Variants in HEXB observed in about 807,000 individuals in gnomAD.
HEXB encodes beta-hexosaminidase subunit beta.
A neutral mutation model predicts 71.2 loss-of-function variants in HEXB; 51 were observed. The ratio of observed to expected loss-of-function variants is 0.72; its 90% confidence interval spans 0.57 to 0.90. The LOEUF (loss-of-function observed/expected upper bound fraction) is 0.90, where lower values mean the gene tolerates loss of function less well. Ranked by LOEUF, HEXB falls within the 40% of genes least tolerant of loss-of-function variation. The pLI is 0.00. For synonymous variants in HEXB, 266 were observed against 249.3 expected (o/e 1.07, Z -0.63); for missense variants, 617 against 677.0 (o/e 0.91, Z 0.98).
intron 1 of HEXB, among the ~76,000 whole-genome samples, chr5:74,655,090 G>A (rs1748193136): frequency 6.7e-6 from 1 of 149,416 alleles, no homozygotes; most frequent in Admixed American, 6.8e-5. Flanking sequence ...AGAGAGGGTG[G>A]AGGTGAGTGT....
chr5:74,661,400 C>A (rs189803114), intron 1 of HEXB, among the ~76,000 whole-genome samples: 1 of 152,130 alleles, frequency 6.6e-6, no homozygotes, highest in African/African-American at 2.4e-5. Flanking sequence ...CTCCTTTAGT[C>A]CTGAACAGCA....
chr5:74,682,266 G>A (rs906877009), upstream of HEXB, among the ~76,000 whole-genome samples: 79 of 152,382 alleles, frequency 5.2e-4, no homozygotes, highest in African/African-American at 1.8e-3. Flanking sequence ...GCTGAGGCAG[G>A]AGAATGGCGT....
intron 1 of HEXB, among the ~76,000 whole-genome samples, chr5:74,666,301 A>G (rs998341991): frequency 3.9e-5 from 6 of 152,216 alleles, no homozygotes; most frequent in Non-Finnish European, 5.9e-5. Flanking sequence ...CCCAGGCTTC[A>G]TTTACAAAAA....
intron 1 of HEXB, among the ~76,000 whole-genome samples, chr5:74,662,897 A>G (rs1748353794): frequency 6.6e-6 from 1 of 152,210 alleles, no homozygotes; most frequent in Non-Finnish European, 1.5e-5. Context: ...CATTTCCCCA[A>G]GGCTAAACAA....
At chr5:74,691,293 TTAAAAA>T (rs1257171661) in intron 2 of HEXB, among the ~76,000 whole-genome samples, 1 of 152,194 alleles carries the variant, frequency 6.6e-6, no homozygotes. Context: ...CCACTATTTA[TTAAAAA>T]TAAAAATATG....
In HEXB at chr5:74,713,374, T is replaced by G. The variant is rs145180280; in HGVS notation, c.772-132T>G. On this transcript the variant is annotated intron_variant, in intron 6 of 13. Coordinates refer to ENST00000261416, the MANE Select transcript of HEXB (RefSeq NM_000521.4). ...TTATTTTTAAATGAGTCATCTAATA[T>G]CACATGAAACTAATACATTGTCATA... 13,911 of 823,934 alleles carry G rather than the reference T, an allele frequency of 0.017. 138 individuals are homozygous for G. Among genetic ancestry groups the G allele is most frequent in the Admixed American group, 0.025 (1,312 of 51,586 alleles). 51.0% of individuals were successfully genotyped at this position (823,934 alleles called of 1,614,324 possible).
rs188194393 is a variant in HEXB at position 74,671,752 on chromosome 5, T to C, written c.-376-17576T>C. Among the ~76,000 whole-genome samples the C allele has an allele frequency of 6.5e-4, 99 of 152,304 alleles. 1 individual carries two copies. Among genetic ancestry groups the C allele is most frequent in the Admixed American group, 4.2e-3 (65 of 15,302 alleles). ...CTTATACTTGCTGATTCTTTTCTAA[T>C]AGATCTGGGCCAAAACTCAAACACT... On this transcript the variant is annotated intron_variant, in intron 1 of 13. Transcript: ENST00000511181.
chr5:74,673,906 A>C (rs58984892), intron 1 of HEXB, among the ~76,000 whole-genome samples: 127 of 152,276 alleles, frequency 8.3e-4, no homozygotes, highest in African/African-American at 3.0e-3. Context: ...TAATTAGTTA[A>C]TTCCTCCTAA....
intron 2 of HEXB, chr5:74,689,748 G>A (rs1300370869): frequency 2.2e-6 from 1 of 465,094 alleles, no homozygotes; most frequent in East Asian, 3.9e-5. Flanking sequence ...TTTTTTTGCA[G>A]AGTAAAACAT....
In HEXB at chr5:74,715,673, A is replaced by G. The variant is rs745437174; in HGVS notation, c.1065A>G (p.Glu355=). 1.2e-6 allele frequency: 2 copies of G among 1,604,730 alleles called. No homozygotes were observed. Among genetic ancestry groups the G allele is most frequent in the South Asian group, 2.2e-5 (2 of 90,852 alleles). ...AATTCATTCATTTGGGAGGAGATGA[A>G]GTGGAATTTAAATGTTGGTAAGATG... ...PDQFIHLGGD[E]VEFKCWESNP... Residue 355 remains glutamate, a synonymous_variant, in exon 8 of 14, where the codon GAA becomes GAG. Coordinates refer to ENST00000261416, the MANE Select transcript of HEXB (RefSeq NM_000521.4).
Position 74,643,683 on chromosome 5 carries a change from A to T in HEXB, c.-377+3125A>T, listed in dbSNP as rs551045464. On this transcript the variant is annotated intron_variant, in intron 1 of 13. Coordinates refer to the HEXB transcript ENST00000511181. ...GGTTAAATGTATTAGCTGCCTTCAA[A>T]CCTAATTTATCTTCATTCCTTCCTA... Among the ~76,000 whole-genome samples the T allele has an allele frequency of 2.6e-5, 4 of 152,296 alleles. No homozygotes were observed. The South Asian group carries it at 8.3e-4, about 32-fold the overall frequency.
chr5:74,676,640 C>A (rs1298536549), intron 1 of HEXB, among the ~76,000 whole-genome samples: 1 of 152,050 alleles, frequency 6.6e-6, no homozygotes, highest in Non-Finnish European at 1.5e-5. Context: ...GTGGCACATG[C>A]CTGTGATTCC....
chr5:74,716,901 C>CA, intron 9 of HEXB: 1 of 388,382 alleles, frequency 2.6e-6, no homozygotes, highest in Non-Finnish European at 4.9e-6. Context: ...TCTAAAAACT[C>CA]AGATTGGGCT....
At chr5:74,656,543 A>C (rs1748223928) in intron 1 of HEXB, among the ~76,000 whole-genome samples, 1 of 146,158 alleles carries the variant, frequency 6.8e-6, no homozygotes, top group African/African-American at 2.6e-5. Context: ...AATAAAATAA[A>C]AGTCAGGAGA....
intron 6 of HEXB, among the ~76,000 whole-genome samples, chr5:74,707,039 C>G (rs1441379578): frequency 6.6e-6 from 1 of 152,264 alleles, no homozygotes; most frequent in Non-Finnish European, 1.5e-5. Context: ...GGGAGGCACC[C>G]CCCAGTAGGG....
rs1330836802 is a variant in HEXB at position 74,652,607 on chromosome 5, G to A, written c.-377+12049G>A. On this transcript the variant is annotated intron_variant, in intron 1 of 13. Coordinates refer to the HEXB transcript ENST00000511181. The surrounding 1 kb of genome is among the most constrained non-coding windows in gnomAD (Gnocchi z 5.4). The stretch of plus-strand genomic sequence containing the variant: ...TTTACCATAAGACCCTAATCTGCTA[G>A]TTTGGTGGAAACTTCATTTGAGTCA... 6.6e-6 allele frequency among the ~76,000 whole-genome samples: 1 copy of A among 152,144 alleles called. No homozygotes were observed. The highest frequency in any genetic ancestry group is 1.5e-5 in the Non-Finnish European group (1 of 68,036).
At chr5:74,657,377 T>C (rs986809325) in intron 1 of HEXB, among the ~76,000 whole-genome samples, 2 of 152,168 alleles carry the variant, frequency 1.3e-5, no homozygotes, top group African/African-American at 4.8e-5. Flanking sequence ...TGACCAGGTC[T>C]TTCCTTTCAT....
intron 13 of HEXB, 48 bp downstream of exon 13, chr5:74,720,795 TGTTA>T (rs1364502502): frequency 2.1e-6 from 3 of 1,401,434 alleles, no homozygotes; most frequent in East Asian, 2.3e-5. Context: ...TCTTATTCAG[TGTTA>T]GTTTCTTTTG....
chr5:74,680,960 C>T (rs1305298628), upstream of HEXB, among the ~76,000 whole-genome samples: 1 of 152,216 alleles, frequency 6.6e-6, no homozygotes, highest in Non-Finnish European at 1.5e-5. Context: ...TAGTGGTCCA[C>T]TTTTTCATAT....
Sources: allele counts gnomAD v4.1 joint callset (sites outside exome capture counted in the v4.1 genomes callset), GRCh38; gene constraint gnomAD v4.1.1; non-coding constraint Gnocchi (gnomAD v3.1); transcripts MANE v1.5; gene names NCBI Gene and HGNC (gene_info 2026-07-23, HGNC 2026-07-21).